Variants in TEX9 observed in about 807,000 individuals in gnomAD.
TEX9 encodes the protein testis-expressed protein 9.
In TEX9, 74 loss-of-function variants were observed where a neutral mutation model predicts 59.6. That is an observed-to-expected ratio of 1.24 (90% CI 1.03 to 1.51). The LOEUF is 1.51. Among genes scored for constraint, TEX9 ranks in the 40% most tolerant of loss-of-function variants. TEX9 has a pLI of 0.00. For missense variants in TEX9, 522 were observed against 447.8 expected, an observed-to-expected ratio of 1.17 and a Z score of -1.49; for synonymous variants, 186 against 152.2, an observed-to-expected ratio of 1.22 and a Z score of -1.64.
In TEX9 at chr15:56,257,721, T is replaced by G. The variant is rs182088093; in HGVS notation, c.-107+13443T>G. 5.9e-4 allele frequency among the ~76,000 whole-genome samples: 90 copies of G among 152,292 alleles called. 1 individual carries two copies. Among genetic ancestry groups the G allele is most frequent in the Non-Finnish European group, 9.9e-4 (67 of 68,010 alleles). On this transcript the variant is annotated intron_variant, in intron 1 of 5. Transcript: ENST00000560827. ...TGTTAGATGCATAGAATGCAAAATTTTCTCCCATTCTGCCGGTTTTCTGTT... is the reference window on the plus strand; with the variant it reads ...TGTTAGATGCATAGAATGCAAAATTGTCTCCCATTCTGCCGGTTTTCTGTT...
chr15:56,394,696 AAATTTTG>A lies in TEX9; in HGVS notation c.693_699del (p.Asn231LysfsTer5). The A allele has an allele frequency of 6.2e-7, 1 of 1,607,940 alleles. No individual in the cohort carries two copies. Among genetic ancestry groups the A allele is most frequent in the Middle Eastern group, 1.9e-4 (1 of 5,338 alleles). The stretch of plus-strand genomic sequence containing the variant: ...TTCAGAATTTAAAGTCTCAAGTAAA[AAATTTTG>A]AAGAAGATTTTATGAGACAGCAGCG... On this transcript the variant is annotated frameshift_variant, in exon 9 of 13. Coordinates refer to ENST00000352903, the Ensembl canonical transcript of TEX9. LOFTEE classifies it high-confidence loss of function.
chr15:56,453,327 A>G, the TEX9 span, among the ~76,000 whole-genome samples: 2 of 152,198 alleles, frequency 1.3e-5, no homozygotes, highest in Non-Finnish European at 2.9e-5. Context: ...TACCTAATGA[A>G]GAACTGCTAG....
intron 1 of TEX9, among the ~76,000 whole-genome samples, chr15:56,274,961 AT>A (rs1241584932): frequency 3.3e-5 from 5 of 152,154 alleles, no homozygotes; most frequent in Non-Finnish European, 5.9e-5. Context: ...GAGTTTCAGA[AT>A]AGGTCACTCT....
intron 1 of TEX9, among the ~76,000 whole-genome samples, chr15:56,335,387 A>G (rs914721330): frequency 6.6e-6 from 1 of 152,158 alleles, no homozygotes; most frequent in Non-Finnish European, 1.5e-5. Flanking sequence ...ATTAAGTGAA[A>G]TAAGCCAGGC....
At chr15:56,393,489 AG>A (rs1240035105) in intron 7 of TEX9, among the ~76,000 whole-genome samples, 1 of 152,132 alleles carries the variant, frequency 6.6e-6, no homozygotes, top group African/African-American at 2.4e-5. Context: ...CATGATGGTA[AG>A]GGTTGTTTTA....
chr15:56,370,885 T>C (rs1325101456), intron 2 of TEX9, among the ~76,000 whole-genome samples: 1 of 152,192 alleles, frequency 6.6e-6, no homozygotes, highest in African/African-American at 2.4e-5. Context: ...AGACAGAGCC[T>C]TGCTCTGTTG....
intron 1 of TEX9, among the ~76,000 whole-genome samples, chr15:56,310,194 G>A (rs2045577573): frequency 6.6e-6 from 1 of 152,188 alleles, no homozygotes; most frequent in African/African-American, 2.4e-5. Context: ...CACTTTGGGA[G>A]GCTGAGGCAG....
chr15:56,288,859 A>G (rs1172086756), intron 1 of TEX9, among the ~76,000 whole-genome samples: 5 of 152,122 alleles, frequency 3.3e-5, no homozygotes, highest in Non-Finnish European at 7.4e-5. Context: ...CTTAACTCCT[A>G]TAACTCTAAT....
chr15:56,443,400 T>A, intron 12 of TEX9: 6 of 1,465,340 alleles, frequency 4.1e-6, no homozygotes, highest in Non-Finnish European at 5.5e-6. Context: ...CTTCTCTACA[T>A]TAATCATTCT....
At chr15:56,384,023 C>T in exon 4 of TEX9, 4 of 1,611,822 alleles carry the variant, frequency 2.5e-6, no homozygotes, top group Non-Finnish European at 3.4e-6. Flanking sequence ...AAGATGATTA[C>T]AGTTTAAGGT....
intron 12 of TEX9, chr15:56,434,127 C>A: frequency 6.2e-7 from 1 of 1,604,850 alleles, no homozygotes; most frequent in Non-Finnish European, 8.5e-7. Flanking sequence ...AACCCCACAA[C>A]TTTTTCTTAC....
intron 1 of TEX9, among the ~76,000 whole-genome samples, chr15:56,325,996 G>A (rs1450270664): frequency 2.6e-5 from 4 of 152,152 alleles, no homozygotes; most frequent in African/African-American, 9.7e-5. Context: ...GGTATCATTG[G>A]TTAGAAAGCA....
intron 1 of TEX9, among the ~76,000 whole-genome samples, chr15:56,276,539 T>C (rs1158255811): frequency 6.6e-6 from 1 of 152,190 alleles, no homozygotes; most frequent in African/African-American, 2.4e-5. Context: ...TAGTATTCCA[T>C]GGTGAATATG....
At chr15:56,395,895 C>T in intron 9 of TEX9, 1 of 152,076 alleles carries the variant, frequency 6.6e-6, no homozygotes, top group Non-Finnish European at 1.5e-5. Context: ...GTATATTTTG[C>T]AAATAGTTTT....
rs963994095 is a variant in TEX9 at position 56,323,978 on chromosome 15, A to G, written c.-106-49463A>G. Among the ~76,000 whole-genome samples, 7 of 152,274 alleles carry G rather than the reference A, an allele frequency of 4.6e-5. No homozygotes were observed. The East Asian group carries it at 1.2e-3, about 25-fold the overall frequency. On this transcript the variant is annotated intron_variant, in intron 1 of 5. Coordinates refer to the TEX9 transcript ENST00000560827. ...AACACACTAATGGATATGTCTTTAG[A>G]TATCATGCCCTGGTAGTATTTTCCA...
At chr15:56,334,033 A>G (rs1009861795) in intron 1 of TEX9, among the ~76,000 whole-genome samples, 1 of 152,204 alleles carries the variant, frequency 6.6e-6, no homozygotes, top group African/African-American at 2.4e-5. Context: ...AAATGGAAAG[A>G]TATTTCATGT....
At chr15:56,454,533 CT>C in the TEX9 span, among the ~76,000 whole-genome samples, 3 of 152,052 alleles carry the variant, frequency 2.0e-5, no homozygotes, top group Non-Finnish European at 2.9e-5. Context: ...ATACTTCTTA[CT>C]GTTGTCTCTT....
At chr15:56,244,684 T>G (rs1393084661) in intron 1 of TEX9, among the ~76,000 whole-genome samples, 1 of 147,626 alleles carries the variant, frequency 6.8e-6, no homozygotes, top group East Asian at 2.1e-4. Context: ...TCAGGGTCCC[T>G]GCAGCCAAGG....
intron 1 of TEX9, chr15:56,244,406 G>C (rs957952970): frequency 2.6e-5 from 4 of 152,012 alleles, no homozygotes; most frequent in Admixed American, 2.6e-4. Context: ...CTCCTCGGTC[G>C]GGCATTCAAA....
Sources: gnomAD v4.1 joint callset for allele counts (sites outside exome capture counted in the v4.1 genomes callset) on GRCh38, gnomAD v4.1.1 for gene constraint, MANE v1.5 for transcripts, NCBI Gene and HGNC (gene_info 2026-07-23, HGNC 2026-07-21) for gene names.